Variants in MDGA2 observed in about 807,000 individuals in gnomAD.
MDGA2 encodes the protein MAM domain-containing glycosylphosphatidylinositol anchor protein 2.
In MDGA2, 40 loss-of-function variants were observed where a neutral mutation model predicts 117.8. That is an observed-to-expected ratio of 0.34 (90% CI 0.26 to 0.44). MDGA2 has a LOEUF of 0.44. Among genes scored for constraint, MDGA2 ranks in the 20% least tolerant of loss-of-function variants. The pLI is 1.00. For missense variants in MDGA2, 1,123 were observed against 1,250.6 expected (o/e 0.90, Z 1.54); for synonymous variants, 452 against 439.0 (o/e 1.03, Z -0.37).
intron 14 of MDGA2, among the ~76,000 whole-genome samples, chr14:46,863,505 A>T (rs2138329128): frequency 6.6e-6 from 1 of 152,310 alleles, no homozygotes; most frequent in Non-Finnish European, 1.5e-5. Flanking sequence ...TACCCATTGT[A>T]ATAAATCCTT....
At chr14:47,436,031 G>A (rs1159694371) in intron 1 of MDGA2, among the ~76,000 whole-genome samples, 1 of 151,828 alleles carries the variant, frequency 6.6e-6, no homozygotes, top group Non-Finnish European at 1.5e-5. Context: ...CCATCCTTAT[G>A]ACTAAATGCC....
intron 3 of MDGA2, among the ~76,000 whole-genome samples, chr14:47,176,474 C>G (rs1475092815): frequency 6.6e-6 from 1 of 152,050 alleles, no homozygotes; most frequent in Non-Finnish European, 1.5e-5. Context: ...TGGAACAGAA[C>G]AGAGCCCTCA....
At chr14:47,093,475 GC>G (rs1879788693) in intron 6 of MDGA2, among the ~76,000 whole-genome samples, 2 of 152,068 alleles carry the variant, frequency 1.3e-5, no homozygotes, top group African/African-American at 4.8e-5. Flanking sequence ...AGTTTGGAAA[GC>G]ATTGAGCTCA....
chr14:47,596,828 T>C (rs1016681091), intron 1 of MDGA2, among the ~76,000 whole-genome samples: 1 of 152,142 alleles, frequency 6.6e-6, no homozygotes, highest in Non-Finnish European at 1.5e-5. Flanking sequence ...AAACTAGTCC[T>C]GTAGAGGTTA....
chr14:46,909,130 C>T (rs1029236525), intron 10 of MDGA2, among the ~76,000 whole-genome samples: 1 of 152,164 alleles, frequency 6.6e-6, no homozygotes, highest in Non-Finnish European at 1.5e-5. Flanking sequence ...GTCTGGTGCA[C>T]TTCCTATCTC....
At chr14:47,654,501 G>A (rs1048122023) in intron 1 of MDGA2, among the ~76,000 whole-genome samples, 20 of 152,076 alleles carry the variant, frequency 1.3e-4, no homozygotes, top group Non-Finnish European at 1.0e-4. Flanking sequence ...TCAAAAGGAG[G>A]ACAGGGACAA....
chr14:46,939,353 A>G (rs1028397729), intron 9 of MDGA2, among the ~76,000 whole-genome samples: 1 of 152,208 alleles, frequency 6.6e-6, no homozygotes, highest in Non-Finnish European at 1.5e-5. Context: ...TGTATGTATC[A>G]AAACATTGCT....
At chr14:46,853,577 A>G (rs1264341383) in intron 15 of MDGA2, among the ~76,000 whole-genome samples, 1 of 151,780 alleles carries the variant, frequency 6.6e-6, no homozygotes, top group Non-Finnish European at 1.5e-5. Context: ...TATTCCTGGA[A>G]ACAATGCAAA....
At chr14:46,857,931 G>T (rs924353406) in intron 14 of MDGA2, among the ~76,000 whole-genome samples, 2 of 152,066 alleles carry the variant, frequency 1.3e-5, no homozygotes, top group Non-Finnish European at 2.9e-5. Flanking sequence ...TGGGATTACA[G>T]ACTTGAGTTA....
At chr14:47,595,564 A>AAAAAAAAAC (rs1566532690) in intron 1 of MDGA2, among the ~76,000 whole-genome samples, 2 of 146,618 alleles carry the variant, frequency 1.4e-5, no homozygotes, top group Admixed American at 6.8e-5. Context: ...AAACAAAAAA[A>AAAAAAAAAC]AAAAAAACCC....
At chr14:47,630,445 G>A (rs781227741) in intron 1 of MDGA2, among the ~76,000 whole-genome samples, 1 of 152,148 alleles carries the variant, frequency 6.6e-6, no homozygotes, top group Non-Finnish European at 1.5e-5. Flanking sequence ...ATTATGTAAT[G>A]CATTTCAGTG....
At chr14:46,996,322 T>C (rs1323464452) in intron 8 of MDGA2, 2 of 152,108 alleles carry the variant, frequency 1.3e-5, no homozygotes. Context: ...AGCAACAGGG[T>C]TCTGAGGTGT....
intron 1 of MDGA2, among the ~76,000 whole-genome samples, chr14:47,516,273 T>C (rs1894748370): frequency 6.6e-6 from 1 of 152,166 alleles, no homozygotes; most frequent in African/African-American, 2.4e-5. Flanking sequence ...CAGTGATCAT[T>C]TTTCATAAGG....
intron 10 of MDGA2, among the ~76,000 whole-genome samples, chr14:46,896,559 A>T (rs1003221734): frequency 6.6e-6 from 1 of 152,078 alleles, no homozygotes; most frequent in Admixed American, 6.6e-5. Context: ...GATATTTATA[A>T]TCCCAATTTT....
At chr14:47,407,180 G>C (rs1892276204) in intron 1 of MDGA2, among the ~76,000 whole-genome samples, 1 of 152,062 alleles carries the variant, frequency 6.6e-6, no homozygotes, top group African/African-American at 2.4e-5. Flanking sequence ...TAAAACCTAA[G>C]AGCTAATTTA....
chr14:47,674,252 T>A (rs922678023), intron 1 of MDGA2, among the ~76,000 whole-genome samples: 5 of 151,992 alleles, frequency 3.3e-5, no homozygotes, highest in Admixed American at 2.0e-4. Flanking sequence ...CGGGGATAAA[T>A]CAAGTGCAAA....
At chr14:46,868,379 G>T (rs1242969429) in intron 14 of MDGA2, among the ~76,000 whole-genome samples, 2 of 151,982 alleles carry the variant, frequency 1.3e-5, no homozygotes, top group African/African-American at 4.8e-5. Flanking sequence ...AGGGCAGGGT[G>T]TCATCAGAAG....
chr14:47,525,739 TTCTC>T (rs947831014), intron 1 of MDGA2, among the ~76,000 whole-genome samples: 26 of 149,996 alleles, frequency 1.7e-4, no homozygotes, highest in Admixed American at 9.2e-4. Flanking sequence ...TTTTTTTTTT[TTCTC>T]TCTCTCTTTT....
intron 1 of MDGA2, among the ~76,000 whole-genome samples, chr14:47,630,281 T>A (rs566210579): frequency 6.6e-6 from 1 of 152,272 alleles, no homozygotes; most frequent in East Asian, 1.9e-4. Flanking sequence ...ATCGGTTACA[T>A]GGAGCAATAA....
Sources: gnomAD v4.1 joint callset for allele counts (sites outside exome capture counted in the v4.1 genomes callset) on GRCh38, gnomAD v4.1.1 for gene constraint, MANE v1.5 for transcripts, NCBI Gene and HGNC (gene_info 2026-07-23, HGNC 2026-07-21) for gene names.